Variants in MCF2L2 observed in about 807,000 individuals in gnomAD.
MCF2L2 encodes the protein probable guanine nucleotide exchange factor MCF2L2.
In MCF2L2, 102 loss-of-function variants were observed where a neutral mutation model predicts 150.2. That is an observed-to-expected ratio of 0.68 (90% CI 0.58 to 0.80). MCF2L2 has a LOEUF of 0.80. MCF2L2 is among the 30% of genes least tolerant of loss of function. The pLI is 0.00. For synonymous variants in MCF2L2, 465 were observed against 491.3 expected (o/e 0.95, Z 0.71); for missense variants, 1,256 against 1,372.8 (o/e 0.91, Z 1.34).
chr3:183,243,835 C>A (rs151098030), intron 15 of MCF2L2, among the ~76,000 whole-genome samples: 1 of 152,248 alleles, frequency 6.6e-6, no homozygotes, highest in Non-Finnish European at 1.5e-5. Flanking sequence ...ATTAAGCAAC[C>A]AACTCCAGAA....
At chr3:183,336,290 A>G (rs1730477944) in intron 5 of MCF2L2, among the ~76,000 whole-genome samples, 1 of 152,144 alleles carries the variant, frequency 6.6e-6, no homozygotes, top group Admixed American at 6.5e-5. Context: ...ATAAAATGTT[A>G]ACAATGGGTG....
chr3:183,304,646 T>A (rs1163133556), intron 10 of MCF2L2, among the ~76,000 whole-genome samples: 8 of 151,240 alleles, frequency 5.3e-5, no homozygotes, highest in South Asian at 4.2e-4. Context: ...TTTTTTTTTT[T>A]AATTTTTAGC....
At chr3:183,191,345 T>A (rs1344620657) in intron 27 of MCF2L2, among the ~76,000 whole-genome samples, 1 of 152,230 alleles carries the variant, frequency 6.6e-6, no homozygotes, top group East Asian at 1.9e-4. Context: ...ATATATCATA[T>A]TCACCCAAAG....
intron 1 of MCF2L2, among the ~76,000 whole-genome samples, chr3:183,420,630 G>A (rs1715832551): frequency 6.6e-6 from 1 of 152,064 alleles, no homozygotes; most frequent in South Asian, 2.1e-4. Flanking sequence ...CCTGAAATGG[G>A]GTAATTTATA....
At chr3:183,298,942 T>G (rs1728698961) in intron 11 of MCF2L2, 1 of 151,304 alleles carries the variant, frequency 6.6e-6, no homozygotes, top group Non-Finnish European at 1.5e-5. Context: ...TTAAAATCCC[T>G]TTAGCAATGG....
chr3:183,207,210 AAGG>A (rs1722526180), intron 23 of MCF2L2, among the ~76,000 whole-genome samples: 1 of 152,188 alleles, frequency 6.6e-6, no homozygotes, highest in African/African-American at 2.4e-5. Context: ...CTTAGACCCC[AAGG>A]TCAGGACAAT....
rs146472044 is a variant in MCF2L2 at position 183,343,394 on chromosome 3, G to A, written c.276-1764C>T. 5.0e-4 allele frequency among the ~76,000 whole-genome samples: 74 copies of A among 147,550 alleles called. 1 individual carries two copies. In the East Asian group the frequency reaches 0.012, roughly 25 times the overall value. On this transcript the variant is annotated intron_variant, in intron 3 of 29. Transcript: ENST00000328913. ...TGATTTTTTTTTTTTTTTTTGAGAC[G>A]GAGTCTCACTTTGTCACCCAGGCTG... is the stretch of plus-strand genomic sequence containing the variant.
intron 15 of MCF2L2, among the ~76,000 whole-genome samples, chr3:183,263,539 C>G (rs1725814000): frequency 6.6e-6 from 1 of 151,890 alleles, no homozygotes; most frequent in Non-Finnish European, 1.5e-5. Flanking sequence ...CCTCCTTTCT[C>G]TCCTTCTCCG....
intron 5 of MCF2L2, among the ~76,000 whole-genome samples, chr3:183,335,491 G>A (rs532971042): frequency 6.6e-6 from 1 of 152,218 alleles, no homozygotes; most frequent in Admixed American, 6.5e-5. Flanking sequence ...AGTCACCAAG[G>A]TAATGATATT....
At chr3:183,332,897 A>G (rs1285019657) in intron 5 of MCF2L2, among the ~76,000 whole-genome samples, 2 of 152,230 alleles carry the variant, frequency 1.3e-5, no homozygotes, top group Admixed American at 6.5e-5. Flanking sequence ...GTAGAAAAGA[A>G]AGGATTTTCA....
At chr3:183,229,048 C>A (rs748706330) in intron 17 of MCF2L2, among the ~76,000 whole-genome samples, 1 of 152,254 alleles carries the variant, frequency 6.6e-6, no homozygotes, top group Non-Finnish European at 1.5e-5. Flanking sequence ...AACTGTGGTT[C>A]AATTCACCAA....
chr3:183,344,139 A>C (rs7618578), intron 3 of MCF2L2, among the ~76,000 whole-genome samples: 6,719 of 150,406 alleles, frequency 0.045, 220 homozygotes, highest in Non-Finnish European at 0.066. Flanking sequence ...CAAAACCACC[A>C]CCCCCCCCAA....
intron 12 of MCF2L2, 60 bp from the exon 13 acceptor site, chr3:183,295,537 G>A (rs746029732): frequency 3.9e-6 from 6 of 1,529,630 alleles, no homozygotes; most frequent in Admixed American, 1.7e-5. Context: ...CTGAGGACAC[G>A]AAGCATTCCC....
chr3:183,243,000 C>T (rs891697831), intron 15 of MCF2L2, among the ~76,000 whole-genome samples: 1 of 152,190 alleles, frequency 6.6e-6, no homozygotes, highest in Admixed American at 6.5e-5. Context: ...ATTTCAGACT[C>T]GCATAAGGCT....
At chr3:183,359,322 TA>T (rs1335035083) in intron 3 of MCF2L2, among the ~76,000 whole-genome samples, 1 of 152,228 alleles carries the variant, frequency 6.6e-6, no homozygotes, top group East Asian at 1.9e-4. Flanking sequence ...TCCATTACTA[TA>T]CTAACAAAAG....
intron 15 of MCF2L2, among the ~76,000 whole-genome samples, chr3:183,257,890 T>C (rs28731202): frequency 0.17 from 25,892 of 151,018 alleles, 5,526 homozygotes; most frequent in African/African-American, 0.51. Context: ...TTTTCTCTTA[T>C]GTGCTTAAAA....
intron 21 of MCF2L2, among the ~76,000 whole-genome samples, chr3:183,218,572 T>A (rs1185042259): frequency 6.6e-6 from 1 of 152,076 alleles, no homozygotes; most frequent in Non-Finnish European, 1.5e-5. Flanking sequence ...GAGGCGGAGT[T>A]GCAGTGAGCC....
intron 15 of MCF2L2, among the ~76,000 whole-genome samples, chr3:183,243,715 G>A (rs909967557): frequency 3.3e-5 from 5 of 152,180 alleles, no homozygotes; most frequent in African/African-American, 1.2e-4. Context: ...TGAATCAGGA[G>A]TACTGAATGC....
chr3:183,284,442 C>T lies in MCF2L2; in HGVS notation c.1776+4678G>A, dbSNP rs559169419. Among the ~76,000 whole-genome samples the T allele has an allele frequency of 1.3e-4, 20 of 152,318 alleles. No individual in the cohort carries two copies. The South Asian group carries it at 3.9e-3, about 30-fold the overall frequency. On this transcript the variant is annotated intron_variant, in intron 14 of 29. Transcript: ENST00000328913. ...AGATTCTGAGTGTGGTGACTCACGC[C>T]TGTAATCCCAGCACTTTGGGAGGCT...
Sources: gnomAD v4.1 joint callset for allele counts (sites outside exome capture counted in the v4.1 genomes callset) on GRCh38, gnomAD v4.1.1 for gene constraint, MANE v1.5 for transcripts, NCBI Gene and HGNC (gene_info 2026-07-23, HGNC 2026-07-21) for gene names.